Variants in STAT5A observed in about 807,000 individuals in gnomAD.
STAT5A encodes signal transducer and activator of transcription 5A.
Under a neutral mutation model 100.2 loss-of-function variants are expected in STAT5A, and 26 were observed. That is an observed-to-expected ratio of 0.26 (90% CI 0.19 to 0.36). The LOEUF is 0.36. STAT5A is among the 10% of genes least tolerant of loss of function. The pLI, the probability that STAT5A is intolerant of heterozygous loss-of-function variation, is 1.00. For synonymous variants in STAT5A, 330 were observed against 424.3 expected (o/e 0.78, Z 2.73); for missense variants, 634 against 1,027.5 (o/e 0.62, Z 5.24).
rs1021403967 is a variant in STAT5A, at chr17:42,308,515, C to T, written c.2062+182C>T. ...AGGGCTCACAAATGAGGAGAGGGAA[C>T]GAGAAACCCGTCCCAGCTCTCTTCT... On this transcript the variant is annotated intron_variant, in intron 16 of 18. Coordinates refer to ENST00000590949, the MANE Select transcript of STAT5A (RefSeq NM_001288718.2). The surrounding 1 kb of genome is among the most constrained non-coding windows in gnomAD (Gnocchi z 4.6). 11 of 741,530 alleles carry T rather than the reference C, an allele frequency of 1.5e-5. No individual in the cohort carries two copies. Among genetic ancestry groups the T allele is most frequent in the African/African-American group, 7.1e-5 (4 of 56,400 alleles). 45.9% of individuals were successfully genotyped at this position (741,530 alleles called of 1,614,324 possible).
At chr17:42,290,114 C>T in intron 3 of STAT5A, 92 bp downstream of exon 3, 1 of 1,427,820 alleles carries the variant, frequency 7.0e-7, no homozygotes, top group Non-Finnish European at 9.2e-7. Flanking sequence ...TGGCCACTGA[C>T]TCACCATGTG....
In STAT5A at chr17:42,309,030, T is replaced by G. The variant is rs747736695; in HGVS notation, c.2063-17T>G. ...TCCCAGAGACTTTGGTTCTCACCAC[T>G]GTTCTTCCCTTGACAGCTAAAGCTG... On this transcript the variant is annotated splice_polypyrimidine_tract_variant and intron_variant, in intron 16 of 18. Coordinates refer to ENST00000590949, the MANE Select transcript of STAT5A (RefSeq NM_001288718.2). 6.2e-7 allele frequency: 1 copy of G among 1,614,198 alleles called. No individual in the cohort carries two copies. Among genetic ancestry groups the G allele is most frequent in the Admixed American group, 1.7e-5 (1 of 60,026 alleles).
At chr17:42,297,980 T>A (rs1055360799) in intron 5 of STAT5A, among the ~76,000 whole-genome samples, 1 of 150,786 alleles carries the variant, frequency 6.6e-6, no homozygotes, top group Non-Finnish European at 1.5e-5. Flanking sequence ...GACGCTGGGC[T>A]GTTGAGAAGG....
intron 5 of STAT5A, among the ~76,000 whole-genome samples, chr17:42,298,938 C>A (rs997206127): frequency 5.3e-5 from 8 of 152,048 alleles, no homozygotes; most frequent in African/African-American, 1.9e-4. Context: ...CCCCAGTGGC[C>A]CTGGACACGC....
chr17:42,307,571 G>C, intron 14 of STAT5A, 22 bp from the exon 15 acceptor site: 2 of 1,614,064 alleles, frequency 1.2e-6, no homozygotes, highest in Non-Finnish European at 1.7e-6. Context: ...CAGTGGTGAC[G>C]CTCAATGCTC....
At chr17:42,295,861 G>A in intron 5 of STAT5A, 68 bp downstream of exon 5, 1 of 1,569,684 alleles carries the variant, frequency 6.4e-7, no homozygotes, top group Non-Finnish European at 8.6e-7. Flanking sequence ...GACTCCTAGA[G>A]GGTAGAGCTG....
At chr17:42,305,777 G>A in intron 12 of STAT5A, 75 bp downstream of exon 12, 1 of 1,497,610 alleles carries the variant, frequency 6.7e-7, no homozygotes. Flanking sequence ...CACCCCTTGG[G>A]CCCCTGCTGA....
rs764625941 is a variant in STAT5A, at chr17:42,307,427, C to A, written c.1706C>A (p.Thr569Asn). The change falls in exon 14 of 19, where the codon ACC becomes AAC. Residue 569 changes from threonine to asparagine, a missense_variant. Thr to Asn is a moderately conservative substitution (Grantham distance 65). Around this residue, in one of 5 missense-constraint regions of STAT5A, gnomAD observed 210 missense variants for 428.4 expected, o/e 0.49. Transcript: ENST00000590949. ...NRENLPGWNY[T>N]FWQWFDGVME... ...GAGAACTTGCCGGGCTGGAACTACA[C>A]CTTCTGGCAGTGGTTTGACGGGGTG... 1 of 1,614,050 alleles carries A rather than the reference C, an allele frequency of 6.2e-7. No homozygotes were observed. Among genetic ancestry groups the A allele is most frequent in the Non-Finnish European group, 8.5e-7 (1 of 1,180,006 alleles).
Position 42,311,238 on chromosome 17 carries a change from C to T in STAT5A, c.*569C>T, listed in dbSNP as rs1002325486. 2.5e-5 allele frequency: 4 copies of T among 159,836 alleles called. No homozygotes were observed. The highest frequency in any genetic ancestry group is 1.7e-4 in the South Asian group (1 of 5,778). 9.9% of individuals were successfully genotyped at this position (159,836 alleles called of 1,614,324 possible). A position where few individuals can be genotyped will look rare whatever the true frequency, so the allele number is the denominator to read the frequency against. ...GAGTAGTATTTTATACTTTAGTGAACGTGGACTCCAGACTCTCTGTGAACC... is the reference window on the plus strand; with the variant it reads ...GAGTAGTATTTTATACTTTAGTGAATGTGGACTCCAGACTCTCTGTGAACC... On this transcript the variant is annotated 3_prime_UTR_variant, in exon 19 of 19. Transcript: ENST00000590949.
At chr17:42,289,673 C>A in intron 2 of STAT5A, 134 bp downstream of exon 2, 1 of 1,435,280 alleles carries the variant, frequency 7.0e-7, no homozygotes. Flanking sequence ...GGTGGTGCCC[C>A]TGGGAAAGGG....
chr17:42,311,108 C>A lies in STAT5A; in HGVS notation c.*439C>A. ...CTCCTAAGAGAGAGAGACAGAGAGA[C>A]AGAGAGAGAGAAAGAGAGAGTGTGT... On this transcript the variant is annotated 3_prime_UTR_variant, in exon 19 of 19. Coordinates refer to ENST00000590949, the MANE Select transcript of STAT5A (RefSeq NM_001288718.2). The A allele has an allele frequency of 4.8e-6, 1 of 207,282 alleles. No homozygotes were observed. Among genetic ancestry groups the A allele is most frequent in the South Asian group, 8.9e-5 (1 of 11,184 alleles). The allele number at this position is 207,282 out of a possible 1,614,324, so 12.8% of individuals were successfully genotyped here. A position where few individuals can be genotyped will look rare whatever the true frequency, so the allele number is the denominator to read the frequency against.
At chr17:42,306,849 A>T (rs1426280599) in intron 13 of STAT5A, among the ~76,000 whole-genome samples, 1 of 151,874 alleles carries the variant, frequency 6.6e-6, no homozygotes, top group African/African-American at 2.4e-5. Context: ...CCTCCTGAGT[A>T]GCTGGAATTA....
chr17:42,295,929 G>A lies in STAT5A; in HGVS notation c.550+136G>A, dbSNP rs187095378. ...AAGCCTGGTAGAAGCAATGGCTCCC[G>A]GTGATTGAGCCCCTGCCGTGGGTCA... is the stretch of plus-strand genomic sequence containing the variant. On this transcript the variant is annotated intron_variant, in intron 5 of 18. Coordinates refer to ENST00000590949, the MANE Select transcript of STAT5A (RefSeq NM_001288718.2). 2.3e-3 allele frequency: 2,963 copies of A among 1,296,480 alleles called. 5 individuals carry two copies. The highest frequency in any genetic ancestry group is 3.0e-3 in the Non-Finnish European group (2,819 of 931,472). The allele number at this position is 1,296,480 out of a possible 1,614,324, so 80.3% of individuals were successfully genotyped here.
Position 42,308,978 on chromosome 17 carries a change from G to T in STAT5A, c.2063-69G>T. ...GTGAGCAGGAGGGAGACTACATGGGGCGTGGGCTTCCACCCCACTTGGGAG... is the reference window on the plus strand; with the variant it reads ...GTGAGCAGGAGGGAGACTACATGGGTCGTGGGCTTCCACCCCACTTGGGAG... On this transcript the variant is annotated intron_variant, in intron 16 of 18. Transcript: ENST00000590949. This position sits in a 1 kb window ranked among gnomAD's most constrained non-coding sequence, Gnocchi z 4.6. 6.3e-7 allele frequency: 1 copy of T among 1,588,776 alleles called. No individual in the cohort carries two copies. Among genetic ancestry groups the T allele is most frequent in the Non-Finnish European group, 8.6e-7 (1 of 1,156,842 alleles).
In STAT5A at chr17:42,304,235, G is replaced by C; in HGVS notation, c.1170-107G>C. ...CACTCTTAGGGGATACGGGGCAGGG[G>C]CTGCTGGCAGGGCTGACCTGAGCGA... On this transcript the variant is annotated intron_variant, in intron 9 of 18. Coordinates refer to ENST00000590949, the MANE Select transcript of STAT5A (RefSeq NM_001288718.2). This position sits in a 1 kb window ranked among gnomAD's most constrained non-coding sequence, Gnocchi z 4.8. The C allele has an allele frequency of 9.8e-7, 1 of 1,025,098 alleles. No individual in the cohort carries two copies. The highest frequency in any genetic ancestry group is 1.4e-5 in the South Asian group (1 of 72,750). The allele number at this position is 1,025,098 out of a possible 1,614,324, so 63.5% of individuals were successfully genotyped here.
chr17:42,308,667 C>T lies in STAT5A; in HGVS notation c.2062+334C>T. 2.1e-6 allele frequency: 1 copy of T among 486,732 alleles called. No homozygotes were observed. 30.2% of individuals were successfully genotyped at this position (486,732 alleles called of 1,614,324 possible). A position where few individuals can be genotyped will look rare whatever the true frequency, so the allele number is the denominator to read the frequency against. The stretch of plus-strand genomic sequence containing the variant: ...GCTCCGCTCCCCACCTCACCAGCTG[C>T]TCTCCACACCCTGCTCACAAACCTT... On this transcript the variant is annotated intron_variant, in intron 16 of 18. Transcript: ENST00000590949. The surrounding 1 kb of genome is among the most constrained non-coding windows in gnomAD (Gnocchi z 4.6).
chr17:42,292,006 G>A lies in STAT5A; in HGVS notation c.320G>A (p.Arg107His), dbSNP rs575765283. 1.2e-5 allele frequency: 20 copies of A among 1,613,918 alleles called. No individual in the cohort carries two copies. The highest frequency in any genetic ancestry group is 1.5e-5 in the Non-Finnish European group (18 of 1,179,888). The part of the protein sequence containing the change: ...TYDRCPLELV[R>H]CIRHILYNEQ... ...GACCGCTGCCCCCTGGAGCTGGTCC[G>A]CTGCATCCGGCACATTCTGTACAAT... Residue 107 changes from arginine (R) to histidine (H), a missense_variant, in exon 4 of 19, where the codon CGC becomes CAC. By Grantham distance (29) the Arg-to-His change is conservative. Transcript: ENST00000590949.
chr17:42,307,324 G>A lies in STAT5A; in HGVS notation c.1681-78G>A, dbSNP rs2081038305. The A allele has an allele frequency of 7.0e-6, 10 of 1,435,506 alleles. No individual in the cohort carries two copies. In the South Asian group the frequency reaches 1.2e-4, roughly 17 times the overall value. 88.9% of individuals were successfully genotyped at this position (1,435,506 alleles called of 1,614,324 possible). A position where few individuals can be genotyped will look rare whatever the true frequency, so the allele number is the denominator to read the frequency against. On this transcript the variant is annotated intron_variant, in intron 13 of 18. Coordinates refer to ENST00000590949, the MANE Select transcript of STAT5A (RefSeq NM_001288718.2). ...AAGAACTGGGAGAAGACTGGGTGGG[G>A]GCAGGAGGGCCCTGACTTTCCTGGG...
In STAT5A at chr17:42,310,656, G is replaced by C; in HGVS notation, c.2372G>C (p.Gly791Ala). The C allele has an allele frequency of 6.2e-7, 1 of 1,614,178 alleles. No individual in the cohort carries two copies. The part of the protein sequence containing the change: ...PPAGLFTSAR[G>A]SLS ...GCCGGTCTTTTCACCTCTGCCAGAG[G>C]CTCCCTCTCATGAATGTTTGAATCC... Residue 791 changes from glycine (G) to alanine (A), a missense_variant, in exon 19 of 19, where the codon GGC (glycine) becomes GCC (alanine). Transcript: ENST00000590949.
Sources: allele counts gnomAD v4.1 joint callset (sites outside exome capture counted in the v4.1 genomes callset), GRCh38; gene constraint gnomAD v4.1.1; regional missense constraint gnomAD v4.1.1; non-coding constraint Gnocchi (gnomAD v3.1); transcripts MANE v1.5; gene names NCBI Gene and HGNC (gene_info 2026-07-23, HGNC 2026-07-21).